Variants in TWIST2 observed in about 807,000 individuals in gnomAD.
TWIST2 encodes the protein twist-related protein 2.
In TWIST2, 1 loss-of-function variant was observed where a neutral mutation model predicts 11.6. That is an observed-to-expected ratio of 0.09 (90% confidence interval 0.03 to 0.41). The LOEUF is 0.41. Ranked by LOEUF, TWIST2 falls within the 10% of genes least tolerant of loss-of-function variation. TWIST2 has a pLI of 0.98. For missense variants in TWIST2, 168 were observed against 226.4 expected, an observed-to-expected ratio of 0.74 and a Z score of 1.66; for synonymous variants, 87 against 96.6, an observed-to-expected ratio of 0.90 and a Z score of 0.58.
intron 1 of TWIST2, among the ~76,000 whole-genome samples, chr2:238,861,717 C>G (rs1046165956): frequency 6.6e-6 from 1 of 152,160 alleles, no homozygotes; most frequent in Non-Finnish European, 1.5e-5. Flanking sequence ...ACAGCCGTCC[C>G]GTTTATCCAT....
rs1369502769 is a variant in TWIST2, at chr2:238,870,253, CA to C, written c.*35+21521del. 1.6e-3 allele frequency among the ~76,000 whole-genome samples: 8 copies of C among 5,088 alleles called. 2 individuals carry two copies. The highest frequency in any genetic ancestry group is 3.1e-3 in the Non-Finnish European group (6 of 1,962). The allele number at this position is 5,088 out of a possible 152,430, so 3.3% of individuals were successfully genotyped here. ...CATACCACACACAAACCACACACCC[CA>C]CACACAAGCCACACACCCCACACAC... is the stretch of plus-strand genomic sequence containing the variant. On this transcript the variant is annotated intron_variant, in intron 1 of 1. Coordinates refer to ENST00000612363, the MANE Select transcript of TWIST2 (RefSeq NM_001271893.4).
At chr2:238,895,248 A>G (rs1253424466) in intron 1 of TWIST2, among the ~76,000 whole-genome samples, 1 of 152,232 alleles carries the variant, frequency 6.6e-6, no homozygotes, top group Non-Finnish European at 1.5e-5. Context: ...TTTCCAGCCC[A>G]GGGCTTAGCT....
intron 1 of TWIST2, among the ~76,000 whole-genome samples, chr2:238,893,012 G>C (rs1398698050): frequency 6.6e-6 from 1 of 152,158 alleles, no homozygotes; most frequent in Non-Finnish European, 1.5e-5. Context: ...GTTGCAGAAT[G>C]GTCTGGTTAA....
intron 1 of TWIST2, among the ~76,000 whole-genome samples, chr2:238,886,522 C>G (rs761716915): frequency 6.6e-6 from 1 of 151,986 alleles, no homozygotes; most frequent in South Asian, 2.1e-4. Flanking sequence ...ATTCCCTCCC[C>G]CAACGCAAGC....
chr2:238,903,385 GATGTGAGGTGTGTCTA>G (rs1344899145), intron 1 of TWIST2, among the ~76,000 whole-genome samples: 2 of 146,384 alleles, frequency 1.4e-5, no homozygotes, highest in Non-Finnish European at 3.0e-5. Flanking sequence ...GTGTGTGCGT[GATGTGAGGTGTGTCTA>G]ATGTGAGGTG....
intron 1 of TWIST2, among the ~76,000 whole-genome samples, chr2:238,879,372 C>T (rs537725774): frequency 1.2e-4 from 19 of 152,272 alleles, no homozygotes; most frequent in African/African-American, 4.3e-4. Flanking sequence ...GTTCTCCAGT[C>T]GTGATTATTA....
chr2:238,902,418 G>A (rs1180328177), intron 1 of TWIST2, among the ~76,000 whole-genome samples: 1 of 151,468 alleles, frequency 6.6e-6, no homozygotes, highest in African/African-American at 2.4e-5. Context: ...GGGTGTGTGT[G>A]TGATGTGATA....
At chr2:238,883,457 G>A (rs913633111) in intron 1 of TWIST2, among the ~76,000 whole-genome samples, 2 of 152,176 alleles carry the variant, frequency 1.3e-5, no homozygotes, top group Non-Finnish European at 2.9e-5. Flanking sequence ...CATTAAACAG[G>A]AAAAATAAGG....
At chr2:238,874,713 AG>A (rs1692772115) in intron 1 of TWIST2, among the ~76,000 whole-genome samples, 1 of 152,228 alleles carries the variant, frequency 6.6e-6, no homozygotes, top group South Asian at 2.1e-4. Flanking sequence ...GAGAATCTAC[AG>A]GGGCTCTCTG....
At chr2:238,888,083 A>G (rs576770674) in intron 1 of TWIST2, among the ~76,000 whole-genome samples, 26 of 152,336 alleles carry the variant, frequency 1.7e-4, no homozygotes, top group African/African-American at 6.3e-4. Flanking sequence ...GTTTTTTACA[A>G]ATCACAAAAT....
intron 1 of TWIST2, among the ~76,000 whole-genome samples, chr2:238,894,001 G>T (rs1031167528): frequency 2.0e-5 from 3 of 151,946 alleles, no homozygotes; most frequent in Non-Finnish European, 4.4e-5. Flanking sequence ...CTCTCCCTCC[G>T]CTTGCCCCTA....
intron 1 of TWIST2, among the ~76,000 whole-genome samples, chr2:238,854,207 GA>G (rs1224477321): frequency 6.6e-6 from 1 of 152,116 alleles, no homozygotes; most frequent in Non-Finnish European, 1.5e-5. Context: ...GATTATCCTG[GA>G]AAATACTCCT....
At chr2:238,905,882 T>C (rs1487529588) in intron 1 of TWIST2, among the ~76,000 whole-genome samples, 2 of 149,328 alleles carry the variant, frequency 1.3e-5, no homozygotes, top group African/African-American at 5.1e-5. Flanking sequence ...TGTGTGTGCA[T>C]GTGCGCGCAT....
intron 1 of TWIST2, among the ~76,000 whole-genome samples, chr2:238,859,252 G>A (rs1480399947): frequency 2.0e-5 from 3 of 150,570 alleles, no homozygotes; most frequent in Admixed American, 6.6e-5. Context: ...CTACAGCATC[G>A]ATGAACCTTG....
At chr2:238,873,351 T>C (rs566937331) in intron 1 of TWIST2, among the ~76,000 whole-genome samples, 23 of 152,238 alleles carry the variant, frequency 1.5e-4, no homozygotes, top group African/African-American at 5.1e-4. Context: ...GTGGGCTTGC[T>C]GACCATGGGT....
At chr2:238,882,525 A>G (rs1206554817) in intron 1 of TWIST2, among the ~76,000 whole-genome samples, 1 of 152,158 alleles carries the variant, frequency 6.6e-6, no homozygotes, top group Non-Finnish European at 1.5e-5. Context: ...AATTTGGGGT[A>G]ACATTGACTC....
chr2:238,893,155 A>G (rs1693166484), intron 1 of TWIST2, among the ~76,000 whole-genome samples: 1 of 152,148 alleles, frequency 6.6e-6, no homozygotes, highest in African/African-American at 2.4e-5. Flanking sequence ...GATTCTTCCC[A>G]TTGCTTAGGT....
At chr2:238,869,819 A>G (rs149605497) in intron 1 of TWIST2, among the ~76,000 whole-genome samples, 11,536 of 152,176 alleles carry the variant, frequency 0.076, 778 homozygotes, top group East Asian at 0.33. Context: ...GTGGCGGCCT[A>G]TGCCTATAAT....
At chr2:238,861,952 C>T (rs1204195044) in intron 1 of TWIST2, among the ~76,000 whole-genome samples, 4 of 152,288 alleles carry the variant, frequency 2.6e-5, no homozygotes, top group East Asian at 3.9e-4. Context: ...ATCGAGCATC[C>T]GCTGGGGGTC....
Sources: gnomAD v4.1 joint callset for allele counts (sites outside exome capture counted in the v4.1 genomes callset) on GRCh38, gnomAD v4.1.1 for gene constraint, MANE v1.5 for transcripts, NCBI Gene and HGNC (gene_info 2026-07-23, HGNC 2026-07-21) for gene names.